SETBP1: variants seen among roughly 807,000 people sequenced by gnomAD.
SETBP1 encodes SET-binding protein.
A neutral mutation model predicts 101.0 loss-of-function variants in SETBP1; 9 were observed. The observed-to-expected ratio is 0.09, with a 90% CI of 0.05 to 0.16. The LOEUF (loss-of-function observed/expected upper bound fraction) is 0.16. Among genes scored for constraint, SETBP1 ranks in the 10% least tolerant of loss-of-function variants. The pLI is 1.00. For synonymous variants in SETBP1, 818 were observed against 788.5 expected (o/e 1.04, Z -0.63); for missense variants, 1,858 against 2,033.8 (o/e 0.91, Z 1.66).
chr18:44,802,046 G>GC (rs1373144358), intron 2 of SETBP1, among the ~76,000 whole-genome samples: 1 of 152,090 alleles, frequency 6.6e-6, no homozygotes, highest in Non-Finnish European at 1.5e-5. Flanking sequence ...ACCCCACCTG[G>GC]CACTTGCCTC....
intron 3 of SETBP1, chr18:44,872,239 T>C (rs2069292961): frequency 6.6e-6 from 1 of 152,192 alleles, no homozygotes; most frequent in Non-Finnish European, 1.5e-5. Flanking sequence ...TTTTTCCCTC[T>C]AATATAAAAG....
intron 4 of SETBP1, among the ~76,000 whole-genome samples, chr18:44,982,233 T>G (rs977570551): frequency 6.6e-6 from 1 of 152,182 alleles, no homozygotes; most frequent in Non-Finnish European, 1.5e-5. Flanking sequence ...AATGGTAGCA[T>G]CATTGAAATG....
At chr18:44,693,428 G>T (rs1469449286) in intron 1 of SETBP1, among the ~76,000 whole-genome samples, 1 of 152,092 alleles carries the variant, frequency 6.6e-6, no homozygotes, top group Non-Finnish European at 1.5e-5. Context: ...ACAAGTTCTG[G>T]CCTACAAAGG....
chr18:44,738,635 G>A (rs907291366), intron 2 of SETBP1, among the ~76,000 whole-genome samples: 3 of 152,076 alleles, frequency 2.0e-5, no homozygotes, highest in African/African-American at 7.2e-5. Context: ...CTAGCTGGGT[G>A]TGGTGGCACA....
intron 2 of SETBP1, among the ~76,000 whole-genome samples, chr18:44,757,404 G>T (rs1422210779): frequency 6.6e-6 from 1 of 152,162 alleles, no homozygotes; most frequent in Non-Finnish European, 1.5e-5. Flanking sequence ...CTGCCTCACT[G>T]CTAATGCTCG....
At chr18:44,931,904 C>T (rs1004257277) in intron 3 of SETBP1, among the ~76,000 whole-genome samples, 2 of 152,124 alleles carry the variant, frequency 1.3e-5, no homozygotes, top group African/African-American at 4.8e-5. Flanking sequence ...ATTTGCCAGT[C>T]TGTGTCTTTT....
chr18:45,004,344 C>A (rs932050834), intron 4 of SETBP1, among the ~76,000 whole-genome samples: 1 of 152,152 alleles, frequency 6.6e-6, no homozygotes, highest in Non-Finnish European at 1.5e-5. Flanking sequence ...CGATGGTTGG[C>A]GTGATGATTG....
intron 2 of SETBP1, among the ~76,000 whole-genome samples, chr18:44,744,634 C>T (rs2070185334): frequency 6.6e-6 from 1 of 152,244 alleles, no homozygotes; most frequent in East Asian, 1.9e-4. Flanking sequence ...GCAGCAGCGC[C>T]TGGCGCGACG....
At chr18:44,872,197 A>G (rs2144695053) in intron 3 of SETBP1, 1 of 152,312 alleles carries the variant, frequency 6.6e-6, no homozygotes, top group East Asian at 1.9e-4. Flanking sequence ...CCCAAAAACC[A>G]TATGCTTTCC....
intron 2 of SETBP1, among the ~76,000 whole-genome samples, chr18:44,866,038 ATTTTACTG>A (rs2069120912): frequency 6.6e-6 from 1 of 152,182 alleles, no homozygotes; most frequent in African/African-American, 2.4e-5. Context: ...CCCATTTAAC[ATTTTACTG>A]TTTCAACCAG....
chr18:44,718,330 C>T lies in SETBP1; in HGVS notation c.486+16498C>T, dbSNP rs545703206. ...TGATTCATGCTGCACCTTGGGTTAG[C>T]CAGGGTCCCTCTTCAGAGCCCAGGG... On this transcript the variant is annotated intron_variant, in intron 2 of 5. Coordinates refer to ENST00000649279, the MANE Select transcript of SETBP1 (RefSeq NM_015559.3). Among the ~76,000 whole-genome samples, 21 of 152,254 alleles carry T rather than the reference C, an allele frequency of 1.4e-4. 1 individual carries two copies. The East Asian group carries it at 4.1e-3, about 29-fold the overall frequency.
intron 2 of SETBP1, among the ~76,000 whole-genome samples, chr18:44,750,451 AAT>A (rs1222619407): frequency 2.0e-5 from 3 of 152,292 alleles, no homozygotes; most frequent in Non-Finnish European, 2.9e-5. Flanking sequence ...CCCACCTCCT[AAT>A]ATCATCACAC....
intron 4 of SETBP1, among the ~76,000 whole-genome samples, chr18:44,989,588 C>G (rs546619387): frequency 1.4e-4 from 22 of 152,070 alleles, no homozygotes; most frequent in Non-Finnish European, 2.8e-4. Context: ...TCCTCAGAAG[C>G]TGAAAGCCCA....
intron 2 of SETBP1, among the ~76,000 whole-genome samples, chr18:44,802,174 A>G (rs1035071283): frequency 6.6e-6 from 1 of 152,110 alleles, no homozygotes; most frequent in East Asian, 1.9e-4. Flanking sequence ...CATCAATGTC[A>G]CTGGCCCTGA....
intron 4 of SETBP1, among the ~76,000 whole-genome samples, chr18:44,984,927 G>C (rs1383322512): frequency 6.6e-6 from 1 of 152,196 alleles, no homozygotes; most frequent in Non-Finnish European, 1.5e-5. Context: ...GATCACCTGA[G>C]GTCAGGAGTT....
At chr18:44,975,672 C>T (rs1483638271) in intron 4 of SETBP1, among the ~76,000 whole-genome samples, 1 of 152,156 alleles carries the variant, frequency 6.6e-6, no homozygotes, top group African/African-American at 2.4e-5. Context: ...TACTACATAA[C>T]TTCGCATAGC....
In SETBP1 at chr18:44,701,571, G is replaced by T. The variant is rs111324550; in HGVS notation, c.225G>T (p.Ala75=). 1 of 1,614,182 alleles carries T rather than the reference G, an allele frequency of 6.2e-7. No individual in the cohort carries two copies. The highest frequency in any genetic ancestry group is 2.2e-5 in the East Asian group (1 of 44,878). ...SGRDVDSNSN[A]DSEKWVAGDG... Reference sequence around the variant, plus strand: ...GGGATGTGGATTCCAACTCCAACGCGGACAGTGAGAAATGGGTGGCAGGAG... The same window carrying T: ...GGGATGTGGATTCCAACTCCAACGCTGACAGTGAGAAATGGGTGGCAGGAG... Residue 75 remains alanine, a synonymous_variant, in exon 2 of 6, where the codon GCG becomes GCT. Transcript: ENST00000649279.
intron 4 of SETBP1, among the ~76,000 whole-genome samples, chr18:45,038,188 C>T (rs2073436387): frequency 1.3e-5 from 2 of 152,160 alleles, no homozygotes; most frequent in Admixed American, 1.3e-4. Flanking sequence ...TGGGAATGTA[C>T]ATCCTCAAAA....
Position 44,950,737 on chromosome 18 carries a change from A to C in SETBP1, c.1397A>C (p.Lys466Thr). ...EGNKKDPRVP[K>T]LSKMIENESP... ...AATAAGAAGGATCCCCGTGTCCCTA[A>C]GTTGAGTAAAATGATAGAGAATGAG... is the stretch of plus-strand genomic sequence containing the variant. Residue 466 changes from lysine (K) to threonine (T), a missense_variant, in exon 4 of 6, where the codon AAG becomes ACG. By Grantham distance (78) the Lys-to-Thr change is moderately conservative. Transcript: ENST00000649279. 1 of 1,614,108 alleles carries C rather than the reference A, an allele frequency of 6.2e-7. No homozygotes were observed. The highest frequency in any genetic ancestry group is 1.1e-5 in the South Asian group (1 of 91,070).
Sources: allele counts gnomAD v4.1 joint callset (sites outside exome capture counted in the v4.1 genomes callset), GRCh38; gene constraint gnomAD v4.1.1; transcripts MANE v1.5; gene names NCBI Gene and HGNC (gene_info 2026-07-23, HGNC 2026-07-21).